CSMD3: variants seen among roughly 807,000 people sequenced by gnomAD.
The protein encoded by CSMD3 is CUB and sushi domain-containing protein 3.
Under a neutral mutation model 435.2 loss-of-function variants are expected in CSMD3, and 177 were observed. The observed-to-expected ratio is 0.41, with a 90% CI of 0.36 to 0.46. The LOEUF is 0.46. Ranked by LOEUF, CSMD3 falls within the 20% of genes least tolerant of loss-of-function variation. The probability of loss-of-function intolerance (pLI) is 0.34; values close to 1 mark genes in which losing one functional copy is unlikely to be tolerated. For missense variants in CSMD3, 4,265 were observed against 4,504.6 expected, an observed-to-expected ratio of 0.95 and a Z score of 1.52; for synonymous variants, 1,656 against 1,520.5, an observed-to-expected ratio of 1.09 and a Z score of -2.07.
chr8:112,884,026 C>T (rs963567843), intron 10 of CSMD3, among the ~76,000 whole-genome samples: 1 of 151,830 alleles, frequency 6.6e-6, no homozygotes, highest in African/African-American at 2.4e-5. Flanking sequence ...CAGTAAGTAT[C>T]TTTGTAGTTA....
At chr8:112,642,189 C>CT (rs11440762) in intron 20 of CSMD3, among the ~76,000 whole-genome samples, 4,186 of 151,402 alleles carry the variant, frequency 0.028, 167 homozygotes, top group African/African-American at 0.081. Context: ...TGCCATTTGA[C>CT]TTTTTTTTTC....
At position 113,305,536 on chromosome 8, in the gene CSMD3, A is replaced by G. The variant is rs562409455; in HGVS notation, c.401+9035T>C. Reference sequence around the variant, plus strand: ...AGGAACAAAGTGTTTAAACTTGCTTATTGTCATCTTTTGTTTGATCTTTTA... The same window carrying G: ...AGGAACAAAGTGTTTAAACTTGCTTGTTGTCATCTTTTGTTTGATCTTTTA... On this transcript the variant is annotated intron_variant, in intron 2 of 70. Coordinates refer to ENST00000297405, the MANE Select transcript of CSMD3 (RefSeq NM_198123.2). Among the ~76,000 whole-genome samples the G allele has an allele frequency of 2.6e-5, 4 of 152,236 alleles. No individual in the cohort carries two copies. The East Asian group carries it at 7.7e-4, about 29-fold the overall frequency.
At chr8:112,801,220 T>C (rs1186418939) in intron 12 of CSMD3, among the ~76,000 whole-genome samples, 5 of 152,144 alleles carry the variant, frequency 3.3e-5, no homozygotes, top group African/African-American at 1.2e-4. Flanking sequence ...AAGTTTCCTT[T>C]CATTGTAAAA....
intron 22 of CSMD3, among the ~76,000 whole-genome samples, chr8:112,594,006 G>T (rs1183601603): frequency 6.6e-6 from 1 of 152,142 alleles, no homozygotes; most frequent in Non-Finnish European, 1.5e-5. Context: ...GAATAGTACA[G>T]GGGAGGAGCC....
chr8:112,760,438 T>A (rs1433021534), intron 13 of CSMD3, among the ~76,000 whole-genome samples: 1 of 152,170 alleles, frequency 6.6e-6, no homozygotes, highest in African/African-American at 2.4e-5. Context: ...ATTATTTTCT[T>A]CATTTATACT....
rs368874205 is a variant in CSMD3, at chr8:113,116,872, GA to G, written c.710-17910del. Among the ~76,000 whole-genome samples the G allele has an allele frequency of 3.8e-3, 577 of 152,296 alleles. 4 individuals carry two copies. Among genetic ancestry groups the G allele is most frequent in the African/African-American group, 0.013 (541 of 41,574 alleles). On this transcript the variant is annotated intron_variant, in intron 4 of 70. Transcript: ENST00000297405. ...GTCACTCTTGCTATGCAAAAAGACT[GA>G]TGGTATTTTGCCCCTGCCTTAAAGA...
chr8:112,616,212 G>A (rs1554631731), intron 22 of CSMD3, among the ~76,000 whole-genome samples: 3 of 152,120 alleles, frequency 2.0e-5, no homozygotes, highest in African/African-American at 4.8e-5. Flanking sequence ...GATTAAATAA[G>A]TTAGCATGCA....
intron 38 of CSMD3, among the ~76,000 whole-genome samples, chr8:112,367,896 G>C (rs1161309024): frequency 6.6e-6 from 1 of 152,092 alleles, no homozygotes; most frequent in Non-Finnish European, 1.5e-5. Flanking sequence ...GCTATAAAGG[G>C]TAGCATTTAT....
intron 4 of CSMD3, among the ~76,000 whole-genome samples, chr8:113,169,845 T>C (rs2092234503): frequency 6.6e-6 from 1 of 152,182 alleles, no homozygotes; most frequent in Non-Finnish European, 1.5e-5. Context: ...GGTATTCTCA[T>C]TCAAGACTTG....
At chr8:113,016,124 G>T (rs1252790473) in intron 6 of CSMD3, among the ~76,000 whole-genome samples, 3 of 151,608 alleles carry the variant, frequency 2.0e-5, no homozygotes, top group African/African-American at 7.3e-5. Flanking sequence ...TTAAGTAAGA[G>T]ATTTCTATTA....
At chr8:113,424,236 A>G (rs1563808247) in intron 1 of CSMD3, among the ~76,000 whole-genome samples, 2 of 151,690 alleles carry the variant, frequency 1.3e-5, no homozygotes, top group African/African-American at 4.8e-5. Context: ...TCATTCTACC[A>G]AACTCCTATG....
At chr8:112,259,878 C>T (rs1435376393) in intron 61 of CSMD3, among the ~76,000 whole-genome samples, 1 of 152,140 alleles carries the variant, frequency 6.6e-6, no homozygotes. Context: ...GCAATTGTTT[C>T]TATAACTAAC....
rs549263379 is a variant in CSMD3, at chr8:113,361,763, T to C, written c.179-46970A>G. 6.6e-4 allele frequency among the ~76,000 whole-genome samples: 101 copies of C among 152,268 alleles called. 1 individual carries two copies. Among genetic ancestry groups the C allele is most frequent in the Non-Finnish European group, 9.1e-4 (62 of 67,986 alleles). ...GCATTTATGACATTTATAGGAACCA[T>C]ATCAATTTGTAAGCTATAAAGCACA... On this transcript the variant is annotated intron_variant, in intron 1 of 70. Transcript: ENST00000297405.
chr8:112,413,875 A>G (rs1445504950), intron 32 of CSMD3, among the ~76,000 whole-genome samples: 2 of 152,046 alleles, frequency 1.3e-5, no homozygotes, highest in Non-Finnish European at 2.9e-5. Flanking sequence ...GCATTGTCCA[A>G]CTTTAACAAG....
At chr8:112,928,525 A>G (rs1245741654) in intron 9 of CSMD3, among the ~76,000 whole-genome samples, 1 of 152,018 alleles carries the variant, frequency 6.6e-6, no homozygotes, top group Non-Finnish European at 1.5e-5. Flanking sequence ...CCTATGAGTG[A>G]GAATATGTGG....
chr8:113,079,052 T>A (rs958108476), intron 5 of CSMD3, among the ~76,000 whole-genome samples: 1 of 152,184 alleles, frequency 6.6e-6, no homozygotes, highest in Admixed American at 6.5e-5. Flanking sequence ...ATTATTATTA[T>A]AAGATTTAAG....
chr8:112,663,037 G>C (rs899648606), intron 17 of CSMD3, among the ~76,000 whole-genome samples: 1 of 152,128 alleles, frequency 6.6e-6, no homozygotes, highest in Non-Finnish European at 1.5e-5. Flanking sequence ...AGGTGCTGGA[G>C]AGGATGTGGA....
chr8:113,082,028 C>T (rs2089585983), intron 5 of CSMD3, among the ~76,000 whole-genome samples: 3 of 152,134 alleles, frequency 2.0e-5, no homozygotes, highest in Admixed American at 6.5e-5. Context: ...GACAATCACT[C>T]CCACCCTGAC....
At chr8:113,178,294 C>T (rs1588212765) in intron 3 of CSMD3, among the ~76,000 whole-genome samples, 1 of 151,950 alleles carries the variant, frequency 6.6e-6, no homozygotes, top group Admixed American at 6.6e-5. Context: ...AGGCCACCCA[C>T]TAATAAATAG....
Sources: gnomAD v4.1 joint callset for allele counts (sites outside exome capture counted in the v4.1 genomes callset) on GRCh38, gnomAD v4.1.1 for gene constraint, MANE v1.5 for transcripts, NCBI Gene and HGNC (gene_info 2026-07-23, HGNC 2026-07-21) for gene names.